DPP8: variants seen among roughly 807,000 people sequenced by gnomAD.
The protein encoded by DPP8 is DPP VIII.
Under a neutral mutation model 107.5 loss-of-function variants are expected in DPP8, and 31 were observed. The observed-to-expected ratio is 0.29, with a 90% confidence interval of 0.22 to 0.39. The LOEUF is 0.39. Ranked by LOEUF, DPP8 falls within the 10% of genes least tolerant of loss-of-function variation. DPP8 has a pLI of 1.00. For synonymous variants in DPP8, 381 were observed against 356.6 expected (o/e 1.07, Z -0.77); for missense variants, 842 against 1,076.1 (o/e 0.78, Z 3.04).
At chr15:65,484,769 T>G (rs2140821852) in intron 8 of DPP8, among the ~76,000 whole-genome samples, 1 of 152,124 alleles carries the variant, frequency 6.6e-6, no homozygotes, top group African/African-American at 2.4e-5. Flanking sequence ...AAATTAACTG[T>G]GGGATATTTA....
chr15:65,471,513 A>ATGT (rs554958203), intron 12 of DPP8, among the ~76,000 whole-genome samples: 1 of 125,274 alleles, frequency 8.0e-6, no homozygotes, highest in Non-Finnish European at 1.7e-5. Flanking sequence ...TAACCAGCCT[A>ATGT]TTTTTTTTTT....
In DPP8 at chr15:65,443,569, C is replaced by G. The variant is rs1288210230; in HGVS notation, c.*3315G>C. 2 of 151,890 alleles carry G rather than the reference C, an allele frequency of 1.3e-5. No homozygotes were observed. The highest frequency in any genetic ancestry group is 4.8e-5 in the African/African-American group (2 of 41,328). 9.4% of individuals were successfully genotyped at this position (151,890 alleles called of 1,614,324 possible). A position where few individuals can be genotyped will look rare whatever the true frequency, so the allele number is the denominator to read the frequency against. ...AATGCATGCATTGTGACCTAATCCT[C>G]TTGTATGAGGCTTTGGAAAAGAACC... On this transcript the variant is annotated 3_prime_UTR_variant, in exon 20 of 20. Coordinates refer to ENST00000300141, the MANE Select transcript of DPP8 (RefSeq NM_130434.5).
chr15:65,507,188 A>G (rs1271258171), intron 3 of DPP8, 55 bp downstream of exon 3: 1 of 945,000 alleles, frequency 1.1e-6, no homozygotes, highest in Non-Finnish European at 1.6e-6. Flanking sequence ...CTCTAAATAA[A>G]TGCAGTATCT....
intron 7 of DPP8, 145 bp from the exon 8 acceptor site, chr15:65,485,305 A>C: frequency 1.7e-6 from 1 of 584,886 alleles, no homozygotes; most frequent in Non-Finnish European, 3.0e-6. Context: ...GCACTTTGGC[A>C]GGTTGAGGCA....
intron 11 of DPP8, among the ~76,000 whole-genome samples, chr15:65,478,407 A>G (rs1215022079): frequency 6.6e-6 from 1 of 152,032 alleles, no homozygotes; most frequent in Non-Finnish European, 1.5e-5. Context: ...CTACAGGTGC[A>G]CACCACCACG....
intron 12 of DPP8, among the ~76,000 whole-genome samples, chr15:65,473,039 A>G (rs771959467): frequency 1.7e-4 from 26 of 152,078 alleles, no homozygotes; most frequent in Non-Finnish European, 3.2e-4. Flanking sequence ...CCCTGTCTCA[A>G]AAAAGAAAAG....
At chr15:65,454,580 G>A (rs1310328224) in intron 16 of DPP8, among the ~76,000 whole-genome samples, 165 bp from the exon 17 acceptor site, 1 of 152,228 alleles carries the variant, frequency 6.6e-6, no homozygotes, top group Admixed American at 6.5e-5. Context: ...AGGCTGGAGT[G>A]CAATGACGCA....
At chr15:65,485,473 G>A (rs1284636474) in intron 7 of DPP8, among the ~76,000 whole-genome samples, 1 of 150,240 alleles carries the variant, frequency 6.7e-6, no homozygotes, top group African/African-American at 2.5e-5. Flanking sequence ...GAACCTGGGA[G>A]GTGGAGAATG....
chr15:65,503,726 G>A (rs542450637), intron 3 of DPP8, among the ~76,000 whole-genome samples: 14 of 152,122 alleles, frequency 9.2e-5, no homozygotes, highest in African/African-American at 2.7e-4. Flanking sequence ...GGGTTCAATC[G>A]ATTCTCCCAC....
At chr15:65,499,070 AGT>A (rs56047613) in intron 4 of DPP8, among the ~76,000 whole-genome samples, 1,371 of 129,724 alleles carry the variant, frequency 0.011, 20 homozygotes, top group African/African-American at 0.029. Flanking sequence ...CCAAAAAAAA[AGT>A]GTGTGTGTGT....
At chr15:65,464,985 C>T (rs905767605) in intron 14 of DPP8, among the ~76,000 whole-genome samples, 1 of 152,000 alleles carries the variant, frequency 6.6e-6, no homozygotes, top group Non-Finnish European at 1.5e-5. Context: ...CTAACCAGAA[C>T]TCAGAAAAAA....
At chr15:65,474,468 ATTGT>A (rs1372321730) in intron 11 of DPP8, among the ~76,000 whole-genome samples, 180 bp from the exon 12 acceptor site, 12 of 152,136 alleles carry the variant, frequency 7.9e-5, no homozygotes, top group Admixed American at 1.3e-4. Context: ...ATGCCACTGC[ATTGT>A]TTGTTTATTT....
chr15:65,497,622 C>T (rs1369457333), intron 5 of DPP8, among the ~76,000 whole-genome samples: 1 of 152,112 alleles, frequency 6.6e-6, no homozygotes, highest in Non-Finnish European at 1.5e-5. Context: ...AAAGAACAAT[C>T]ATGTCAGAGG....
chr15:65,478,427 T>C (rs1244781169), intron 11 of DPP8, among the ~76,000 whole-genome samples: 1 of 152,140 alleles, frequency 6.6e-6, no homozygotes, highest in Non-Finnish European at 1.5e-5. Flanking sequence ...GCCCGGATCA[T>C]TTTTGTATTT....
At chr15:65,459,195 G>T (rs2064707255) in intron 15 of DPP8, among the ~76,000 whole-genome samples, 1 of 151,214 alleles carries the variant, frequency 6.6e-6, no homozygotes, top group African/African-American at 2.4e-5. Flanking sequence ...CTTCTCTTTT[G>T]ACACATGGTC....
At chr15:65,465,167 C>CTTT (rs199937501) in intron 14 of DPP8, among the ~76,000 whole-genome samples, 3 of 127,724 alleles carry the variant, frequency 2.3e-5, no homozygotes, top group Admixed American at 1.6e-4. Flanking sequence ...TTTGTTTTTT[C>CTTT]TTTTTTTTTT....
intron 18 of DPP8, 144 bp downstream of exon 18, chr15:65,451,816 C>A (rs1405929788): frequency 1.3e-6 from 1 of 777,628 alleles, no homozygotes; most frequent in Non-Finnish European, 1.9e-6. Context: ...AACCCAGCTA[C>A]TCGGGGGCTG....
At chr15:65,452,662 GT>G (rs1394204090) in intron 17 of DPP8, among the ~76,000 whole-genome samples, 8 of 152,046 alleles carry the variant, frequency 5.3e-5, no homozygotes, top group Non-Finnish European at 1.0e-4. Flanking sequence ...AAACCTTATT[GT>G]TTTTGTTCTT....
At chr15:65,447,233 C>G (rs960621167) in intron 19 of DPP8, among the ~76,000 whole-genome samples, 2 of 152,090 alleles carry the variant, frequency 1.3e-5, no homozygotes, top group African/African-American at 4.8e-5. Context: ...GGTTTGTTCT[C>G]TAAGTGTGGT....
Sources: allele counts gnomAD v4.1 joint callset (sites outside exome capture counted in the v4.1 genomes callset), GRCh38; gene constraint gnomAD v4.1.1; transcripts MANE v1.5; gene names NCBI Gene and HGNC (gene_info 2026-07-23, HGNC 2026-07-21).